The following PTPRK variants were observed in gnomAD, a reference collection of about 807,000 sequenced individuals.
PTPRK encodes receptor-type tyrosine-protein phosphatase kappa.
PTPRK carries 75 observed loss-of-function variants against 178.0 expected under a neutral mutation model. The observed-to-expected ratio is 0.42, with a 90% CI of 0.35 to 0.51. The LOEUF (loss-of-function observed/expected upper bound fraction) is 0.51. PTPRK is among the 20% of genes least tolerant of loss of function. The pLI is 0.02. For missense variants in PTPRK, 1,441 were observed against 1,797.8 expected, an observed-to-expected ratio of 0.80 and a Z score of 3.59; for synonymous variants, 637 against 620.6, an observed-to-expected ratio of 1.03 and a Z score of -0.39.
At chr6:128,129,123 T>C (rs1056348834) in intron 7 of PTPRK, among the ~76,000 whole-genome samples, 4 of 152,220 alleles carry the variant, frequency 2.6e-5, no homozygotes, top group Admixed American at 1.3e-4. Context: ...TTGAATATTA[T>C]ACAATTTGCC....
intron 27 of PTPRK, 32 bp from the exon 28 acceptor site, chr6:127,973,859 C>G (rs1774213673): frequency 1.3e-6 from 2 of 1,588,248 alleles, no homozygotes; most frequent in Non-Finnish European, 1.7e-6. Context: ...TGTAAATACG[C>G]TGGGACTACA....
chr6:128,265,675 T>C lies in PTPRK; in HGVS notation c.496-23073A>G, dbSNP rs116691933. ...TCAAATGGAATTACCTTTCAAAATT[T>C]TGCCCTGAACTAAGAATTGAAATTT... On this transcript the variant is annotated intron_variant, in intron 3 of 29. Coordinates refer to ENST00000368226, the MANE Select transcript of PTPRK (RefSeq NM_002844.4). Among the ~76,000 whole-genome samples the C allele has an allele frequency of 6.1e-3, 922 of 152,256 alleles. 10 individuals carry two copies. The highest frequency in any genetic ancestry group is 0.021 in the African/African-American group (874 of 41,554).
intron 2 of PTPRK, among the ~76,000 whole-genome samples, chr6:128,369,510 TTTATTC>T (rs1835976888): frequency 6.6e-6 from 1 of 152,100 alleles, no homozygotes. Flanking sequence ...CTGACTATTC[TTTATTC>T]TTAAATTCTT....
chr6:128,094,783 T>G (rs1030539574), intron 7 of PTPRK, among the ~76,000 whole-genome samples: 1 of 151,624 alleles, frequency 6.6e-6, no homozygotes, highest in African/African-American at 2.4e-5. Context: ...AAGTCAGGAG[T>G]TGGGGTACTC....
intron 13 of PTPRK, among the ~76,000 whole-genome samples, chr6:128,018,154 A>T (rs952898889): frequency 2.6e-5 from 4 of 151,960 alleles, no homozygotes; most frequent in African/African-American, 9.7e-5. Context: ...CAAAGATATA[A>T]TCTCATTCAT....
chr6:128,195,958 T>C (rs1226924576), intron 6 of PTPRK, among the ~76,000 whole-genome samples: 2 of 152,104 alleles, frequency 1.3e-5, no homozygotes, highest in East Asian at 1.9e-4. Flanking sequence ...ATGTGTCTTA[T>C]TGGATTAAGA....
At chr6:128,027,647 G>A (rs1774545928) in intron 13 of PTPRK, among the ~76,000 whole-genome samples, 1 of 152,036 alleles carries the variant, frequency 6.6e-6, no homozygotes, top group African/African-American at 2.4e-5. Context: ...ACCGAGTCTG[G>A]AGTGCAGTGG....
intron 7 of PTPRK, among the ~76,000 whole-genome samples, chr6:128,109,013 T>C (rs1460655535): frequency 3.3e-5 from 5 of 152,092 alleles, no homozygotes; most frequent in African/African-American, 7.2e-5. Context: ...CTTCAACATA[T>C]GGATTTTGGG....
chr6:128,361,457 A>C (rs994522661), intron 2 of PTPRK, among the ~76,000 whole-genome samples: 1 of 152,232 alleles, frequency 6.6e-6, no homozygotes, highest in Non-Finnish European at 1.5e-5. Context: ...CAGTTAATAC[A>C]AATAAATGCA....
intron 1 of PTPRK, among the ~76,000 whole-genome samples, chr6:128,502,049 G>A (rs191235356): frequency 2.5e-4 from 38 of 152,240 alleles, no homozygotes; most frequent in Admixed American, 2.2e-3. Context: ...TGTGAGCCAC[G>A]GGAGGTTTGT....
chr6:128,092,525 A>G (rs1787161445), intron 7 of PTPRK, among the ~76,000 whole-genome samples: 1 of 152,162 alleles, frequency 6.6e-6, no homozygotes, highest in African/African-American at 2.4e-5. Flanking sequence ...GTGTGTATAG[A>G]TACACACATA....
In PTPRK at chr6:127,973,769, C is replaced by A; in HGVS notation, c.4028G>T (p.Arg1343Leu). ...TGACCTTTTGGATCCAGGCACTTCT[C>A]GATGAGAAGCCCATCCTAGGTACTG... ...QFQYLGWASH[R>L]EVPGSKRSFL... The change falls in exon 28 of 30, where the codon CGA becomes CTA. Residue 1343 changes from arginine to leucine, a missense_variant. Transcript: ENST00000368226. 1.2e-6 allele frequency: 2 copies of A among 1,613,974 alleles called. No individual in the cohort carries two copies. Among genetic ancestry groups the A allele is most frequent in the Non-Finnish European group, 1.7e-6 (2 of 1,179,920 alleles).
chr6:128,115,330 A>C (rs889314805), intron 7 of PTPRK, among the ~76,000 whole-genome samples: 5 of 152,132 alleles, frequency 3.3e-5, no homozygotes, highest in Non-Finnish European at 7.4e-5. Flanking sequence ...GTGTTCTAGG[A>C]AATGTACCTT....
chr6:128,455,266 G>C (rs185605005), intron 1 of PTPRK, among the ~76,000 whole-genome samples: 1 of 152,114 alleles, frequency 6.6e-6, no homozygotes, highest in East Asian at 1.9e-4. Context: ...TAAATAAATA[G>C]ATCCAAAATG....
chr6:128,378,301 C>T (rs749179594), intron 2 of PTPRK, among the ~76,000 whole-genome samples: 9 of 152,038 alleles, frequency 5.9e-5, no homozygotes, highest in Non-Finnish European at 1.5e-5. Flanking sequence ...ATGTTTGATG[C>T]AGCATTAATT....
chr6:128,207,065 T>A (rs1261999497), intron 6 of PTPRK, among the ~76,000 whole-genome samples: 3 of 152,146 alleles, frequency 2.0e-5, no homozygotes, highest in African/African-American at 7.2e-5. Context: ...AAATCAGGAA[T>A]CATTATGCCC....
chr6:128,292,309 C>A (rs1246026905), intron 3 of PTPRK, among the ~76,000 whole-genome samples: 1 of 151,934 alleles, frequency 6.6e-6, no homozygotes, highest in East Asian at 1.9e-4. Flanking sequence ...ATATTGTAAA[C>A]ATAAATCTTC....
At chr6:128,431,083 C>A (rs1340538424) in intron 1 of PTPRK, among the ~76,000 whole-genome samples, 1 of 151,720 alleles carries the variant, frequency 6.6e-6, no homozygotes, top group Non-Finnish European at 1.5e-5. Context: ...GGATTACAGG[C>A]ACCCACCACC....
intron 2 of PTPRK, among the ~76,000 whole-genome samples, chr6:128,380,824 CA>C (rs1232126789): frequency 2.0e-5 from 3 of 152,166 alleles, no homozygotes; most frequent in African/African-American, 7.2e-5. Context: ...TCGTAGCTAA[CA>C]ATCTGGGCAC....
Sources: gnomAD v4.1 joint callset for allele counts (sites outside exome capture counted in the v4.1 genomes callset) on GRCh38, gnomAD v4.1.1 for gene constraint, MANE v1.5 for transcripts, NCBI Gene and HGNC (gene_info 2026-07-23, HGNC 2026-07-21) for gene names.